Variants in SPOCK3 observed in about 807,000 individuals in gnomAD.
SPOCK3 encodes testican-3.
In SPOCK3, 30 loss-of-function variants were observed where a neutral mutation model predicts 56.6. That is an observed-to-expected ratio of 0.53 (90% CI 0.40 to 0.72). The LOEUF (loss-of-function observed/expected upper bound fraction) is 0.72, where lower values mean the gene tolerates loss of function less well. SPOCK3 is among the 30% of genes least tolerant of loss of function. The probability of loss-of-function intolerance (pLI) is 0.00; values close to 1 mark genes in which losing one functional copy is unlikely to be tolerated. For synonymous variants in SPOCK3, 196 were observed against 183.3 expected (o/e 1.07, Z -0.56); for missense variants, 527 against 530.0 (o/e 0.99, Z 0.06).
intron 7 of SPOCK3, among the ~76,000 whole-genome samples, chr4:166,777,488 G>C (rs926767027): frequency 1.3e-5 from 2 of 152,092 alleles, no homozygotes; most frequent in Non-Finnish European, 2.9e-5. Context: ...AAAGAGTATA[G>C]GTTTCAAGCC....
chr4:167,141,307 C>T (rs1203229558), intron 2 of SPOCK3, among the ~76,000 whole-genome samples: 1 of 152,004 alleles, frequency 6.6e-6, no homozygotes, highest in Admixed American at 6.6e-5. Flanking sequence ...TCCTAGTGCT[C>T]GTCTGTCACC....
intron 6 of SPOCK3, among the ~76,000 whole-genome samples, chr4:166,856,804 CTATCTAGA>C (rs75264800): frequency 6.7e-4 from 101 of 150,278 alleles, no homozygotes; most frequent in Middle Eastern, 3.4e-3. Flanking sequence ...ATCTATCTAT[CTATCTAGA>C]TATCTAGATA....
chr4:167,212,236 G>T (rs772238821), intron 2 of SPOCK3, among the ~76,000 whole-genome samples: 8 of 151,600 alleles, frequency 5.3e-5, no homozygotes, highest in Non-Finnish European at 1.0e-4. Context: ...TTTTAAAAAA[G>T]ATTTACTTTT....
chr4:166,882,902 G>T (rs1342326797), intron 6 of SPOCK3: 2 of 152,054 alleles, frequency 1.3e-5, no homozygotes, highest in African/African-American at 2.4e-5. Flanking sequence ...AAATAATTAT[G>T]CAACACTTGC....
intron 2 of SPOCK3, among the ~76,000 whole-genome samples, chr4:167,090,245 T>C (rs1479475576): frequency 2.6e-5 from 4 of 152,188 alleles, no homozygotes; most frequent in Non-Finnish European, 5.9e-5. Context: ...AGGGGTAATG[T>C]GTAAAAATTA....
At chr4:166,911,525 ATATGTT>A (rs1445037843) in intron 5 of SPOCK3, among the ~76,000 whole-genome samples, 1 of 151,998 alleles carries the variant, frequency 6.6e-6, no homozygotes, top group Non-Finnish European at 1.5e-5. Context: ...AAATGTATTA[ATATGTT>A]TTTGTTTTTG....
At chr4:166,947,433 T>A (rs1225431548) in intron 4 of SPOCK3, among the ~76,000 whole-genome samples, 1 of 152,208 alleles carries the variant, frequency 6.6e-6, no homozygotes, top group Non-Finnish European at 1.5e-5. Flanking sequence ...GTGCAGAACT[T>A]TGTTTACTAA....
At chr4:166,808,264 A>G (rs1022654161) in intron 6 of SPOCK3, among the ~76,000 whole-genome samples, 1 of 152,040 alleles carries the variant, frequency 6.6e-6, no homozygotes. Context: ...TGATTTTGGT[A>G]TCTACCATCT....
chr4:167,111,616 G>C (rs753004093), intron 2 of SPOCK3, among the ~76,000 whole-genome samples: 12 of 152,102 alleles, frequency 7.9e-5, no homozygotes, highest in Non-Finnish European at 1.3e-4. Flanking sequence ...AATATGCAAT[G>C]TCATTATCAT....
chr4:166,796,656 AT>A (rs1741969604), intron 6 of SPOCK3, among the ~76,000 whole-genome samples: 1 of 152,142 alleles, frequency 6.6e-6, no homozygotes, highest in East Asian at 1.9e-4. Context: ...ATAATTTATT[AT>A]TTTTTCCCTT....
chr4:167,049,536 G>A (rs751733977), intron 3 of SPOCK3, among the ~76,000 whole-genome samples: 9 of 152,086 alleles, frequency 5.9e-5, no homozygotes, highest in Non-Finnish European at 1.2e-4. Context: ...TTGAGGAGCA[G>A]TGCAAATAGA....
intron 2 of SPOCK3, among the ~76,000 whole-genome samples, chr4:167,183,710 A>C (rs1357399265): frequency 6.6e-6 from 1 of 152,224 alleles, no homozygotes; most frequent in Non-Finnish European, 1.5e-5. Context: ...CCGGAATAAT[A>C]AAAGCTATCC....
chr4:166,923,600 A>G (rs72697557), intron 4 of SPOCK3, among the ~76,000 whole-genome samples: 22,149 of 152,176 alleles, frequency 0.15, 2,109 homozygotes, highest in South Asian at 0.24. Context: ...GGAAAAACGT[A>G]TGGTCCATGA....
At chr4:167,066,306 C>T (rs575185095) in intron 2 of SPOCK3, among the ~76,000 whole-genome samples, 2 of 151,850 alleles carry the variant, frequency 1.3e-5, no homozygotes, top group East Asian at 3.9e-4. Flanking sequence ...GTGCATTGCT[C>T]GCTATTTAGT....
At chr4:166,873,672 C>A (rs1340107899) in intron 6 of SPOCK3, among the ~76,000 whole-genome samples, 1 of 151,532 alleles carries the variant, frequency 6.6e-6, no homozygotes, top group Non-Finnish European at 1.5e-5. Context: ...TTCTGATGTC[C>A]TTTCTTTAAG....
intron 6 of SPOCK3, among the ~76,000 whole-genome samples, chr4:166,849,173 A>G (rs185138637): frequency 6.6e-6 from 1 of 152,314 alleles, no homozygotes; most frequent in African/African-American, 2.4e-5. Context: ...AGTATATACA[A>G]TCAATTTAAA....
chr4:166,771,930 C>T (rs1738980383), intron 7 of SPOCK3, among the ~76,000 whole-genome samples: 1 of 151,872 alleles, frequency 6.6e-6, no homozygotes, highest in Non-Finnish European at 1.5e-5. Context: ...TATATTTCAC[C>T]TAATTATAGA....
intron 4 of SPOCK3, among the ~76,000 whole-genome samples, chr4:166,934,618 A>T (rs908876781): frequency 1.3e-5 from 2 of 152,138 alleles, no homozygotes; most frequent in African/African-American, 4.8e-5. Context: ...TACTTATAAT[A>T]ATCTATGTGA....
intron 7 of SPOCK3, among the ~76,000 whole-genome samples, chr4:166,764,372 G>C (rs1737684242): frequency 6.6e-6 from 1 of 151,984 alleles, no homozygotes; most frequent in Non-Finnish European, 1.5e-5. Flanking sequence ...CCTGGTGTGT[G>C]ATGCTCCCCT....
Sources: gnomAD v4.1 joint callset for allele counts (sites outside exome capture counted in the v4.1 genomes callset) on GRCh38, gnomAD v4.1.1 for gene constraint, MANE v1.5 for transcripts, NCBI Gene and HGNC (gene_info 2026-07-23, HGNC 2026-07-21) for gene names.